The following NTN4 variants were observed in gnomAD, a reference collection of about 807,000 sequenced individuals.
NTN4 encodes netrin 4.
A neutral mutation model predicts 73.6 loss-of-function variants in NTN4; 32 were observed. The ratio of observed to expected loss-of-function variants is 0.44; its 90% CI spans 0.33 to 0.58. The LOEUF is 0.58. Ranked by LOEUF, NTN4 falls within the 20% of genes least tolerant of loss-of-function variation. The probability of loss-of-function intolerance (pLI) is 0.04; values close to 1 mark genes in which losing one functional copy is unlikely to be tolerated. For missense variants in NTN4, 654 were observed against 798.3 expected (o/e 0.82, Z 2.18); for synonymous variants, 258 against 287.5 (o/e 0.90, Z 1.04).
At chr12:95,718,777 T>C (rs1167900192) in intron 3 of NTN4, among the ~76,000 whole-genome samples, 3 of 152,196 alleles carry the variant, frequency 2.0e-5, no homozygotes, top group African/African-American at 7.2e-5. Context: ...ATATTGACTA[T>C]ACTTAAATGA....
At chr12:95,729,632 AGTGT>A (rs758891542) in intron 3 of NTN4, among the ~76,000 whole-genome samples, 7,716 of 123,956 alleles carry the variant, frequency 0.062, 393 homozygotes, top group African/African-American at 0.14. Flanking sequence ...AGAGAGAGAG[AGTGT>A]GTGTGTGTGT....
intron 4 of NTN4, 22 bp downstream of exon 4, chr12:95,713,190 G>A (rs1014599812): frequency 1.9e-6 from 3 of 1,603,378 alleles, no homozygotes; most frequent in Non-Finnish European, 2.6e-6. Context: ...AAGCTTTTGA[G>A]TATCGTGGGC....
intron 5 of NTN4, among the ~76,000 whole-genome samples, chr12:95,697,000 T>C (rs1247704062): frequency 6.6e-6 from 1 of 151,280 alleles, no homozygotes; most frequent in African/African-American, 2.4e-5. Flanking sequence ...CAAGAGCCCC[T>C]CTCTACAAAA....
At position 95,700,080 on chromosome 12, in the gene NTN4, A is replaced by ATTTTTTTTTTTTTT. The variant is rs56063223; in HGVS notation, c.1180+10347_1180+10360dup. ...AACAGTGTATTCTTCTAAAGTGAGG[A>ATTTTTTTTTTTTTT]TTTTTTTTTTTTTTTTTTTTTTTTT... is the stretch of plus-strand genomic sequence containing the variant. On this transcript the variant is annotated intron_variant, in intron 5 of 9. Coordinates refer to ENST00000343702, the MANE Select transcript of NTN4 (RefSeq NM_021229.4). 1.9e-4 allele frequency among the ~76,000 whole-genome samples: 8 copies of ATTTTTTTTTTTTTT among 41,820 alleles called. 1 individual carries two copies. The highest frequency in any genetic ancestry group is 3.0e-4 in the Non-Finnish European group (7 of 23,308). 27.4% of individuals were successfully genotyped at this position (41,820 alleles called of 152,430 possible).
At chr12:95,764,676 C>CAA (rs11326708) in intron 2 of NTN4, among the ~76,000 whole-genome samples, 1 of 98,872 alleles carries the variant, frequency 1.0e-5, no homozygotes, top group Admixed American at 1.1e-4. Context: ...CCGCCCCGAC[C>CAA]AAAAAAAAAA....
chr12:95,753,196 C>CTA (rs2078923203), intron 2 of NTN4, among the ~76,000 whole-genome samples: 1 of 152,052 alleles, frequency 6.6e-6, no homozygotes, highest in South Asian at 2.1e-4. Context: ...GCAGGCTATG[C>CTA]TATAGTACAA....
At chr12:95,731,888 T>A (rs186721506) in intron 3 of NTN4, among the ~76,000 whole-genome samples, 3 of 152,342 alleles carry the variant, frequency 2.0e-5, no homozygotes, top group African/African-American at 7.2e-5. Context: ...GTTTCGCATC[T>A]GTGAAAGAAA....
chr12:95,732,798 T>C (rs936599049), intron 3 of NTN4, among the ~76,000 whole-genome samples: 5 of 152,196 alleles, frequency 3.3e-5, no homozygotes, highest in Non-Finnish European at 7.3e-5. Context: ...TTTAAATCTG[T>C]CCTTAATTTA....
At chr12:95,705,543 T>C (rs1047257343) in intron 5 of NTN4, among the ~76,000 whole-genome samples, 3 of 152,244 alleles carry the variant, frequency 2.0e-5, no homozygotes, top group African/African-American at 7.2e-5. Flanking sequence ...TTCTTCCTTC[T>C]GTTCCTTTTT....
chr12:95,665,913 T>A lies in NTN4; in HGVS notation c.1647A>T (p.Lys549Asn). 3 of 1,613,708 alleles carry A rather than the reference T, an allele frequency of 1.9e-6. No homozygotes were observed. The Admixed American group carries it at 5.0e-5, about 27-fold the overall frequency. Residue 549 changes from lysine (K) to asparagine (N), a missense_variant, in exon 9 of 10, where the codon AAA becomes AAT. Coordinates refer to ENST00000343702, the MANE Select transcript of NTN4 (RefSeq NM_021229.4). Reference sequence around the variant, plus strand: ...TCAGTTTGGTAGATTTTAAGACCTTTTTAATCTTCACATTGACCTCAACAT... The same window carrying A: ...TCAGTTTGGTAGATTTTAAGACCTTATTAATCTTCACATTGACCTCAACAT... ...GTHVEVNVKI[K>N]KVLKSTKLKI... is the part of the protein sequence containing the mutation.
Position 95,732,446 on chromosome 12 carries a change from T to C in NTN4, c.864+5420A>G, listed in dbSNP as rs531334137. The stretch of plus-strand genomic sequence containing the variant: ...AGACAAGAGTTTCGCTCTTGTTACC[T>C]AGGCTGGAGTGCAATGGCGCAATCT... On this transcript the variant is annotated intron_variant, in intron 3 of 9. Transcript: ENST00000343702. Among the ~76,000 whole-genome samples the C allele has an allele frequency of 3.2e-4, 44 of 136,382 alleles. No homozygotes were observed. In the South Asian group the frequency reaches 0.011, roughly 35 times the overall value. 89.5% of individuals were successfully genotyped at this position (136,382 alleles called of 152,430 possible).
chr12:95,696,186 C>T (rs1157767320), intron 5 of NTN4, among the ~76,000 whole-genome samples: 1 of 152,120 alleles, frequency 6.6e-6, no homozygotes, highest in African/African-American at 2.4e-5. Context: ...TGATGCGGTT[C>T]ATCCTGCCAT....
intron 2 of NTN4, among the ~76,000 whole-genome samples, chr12:95,784,257 CA>C (rs889551567): frequency 6.6e-6 from 1 of 152,096 alleles, no homozygotes; most frequent in African/African-American, 2.4e-5. Context: ...TCTAACATGA[CA>C]GGGGAGAGGA....
intron 2 of NTN4, among the ~76,000 whole-genome samples, chr12:95,760,137 T>C (rs552004936): frequency 6.6e-6 from 1 of 152,216 alleles, no homozygotes; most frequent in East Asian, 1.9e-4. Flanking sequence ...TTTTGAAGAT[T>C]GCTGTAAATT....
At chr12:95,710,729 G>T (rs1056972095) in intron 4 of NTN4, 100 bp from the exon 5 acceptor site, 12 of 1,135,502 alleles carry the variant, frequency 1.1e-5, no homozygotes, top group Non-Finnish European at 1.4e-5. Flanking sequence ...TTGGCCAGGC[G>T]TGGTAGCTCA....
At chr12:95,770,735 A>G (rs949797867) in intron 2 of NTN4, among the ~76,000 whole-genome samples, 1 of 152,256 alleles carries the variant, frequency 6.6e-6, no homozygotes, top group African/African-American at 2.4e-5. Flanking sequence ...AGCAGCCGGA[A>G]GACAGTGTCA....
intron 7 of NTN4, chr12:95,672,146 C>T (rs2078236442): frequency 2.3e-6 from 1 of 431,310 alleles, no homozygotes; most frequent in Non-Finnish European, 4.3e-6. Context: ...CGTAGTAAGA[C>T]ATTGTCTCTA....
At chr12:95,770,774 A>G (rs2079051521) in intron 2 of NTN4, among the ~76,000 whole-genome samples, 1 of 150,884 alleles carries the variant, frequency 6.6e-6, no homozygotes, top group South Asian at 2.1e-4. Flanking sequence ...TCATGTAGAA[A>G]GCACGTGAAT....
intron 3 of NTN4, among the ~76,000 whole-genome samples, chr12:95,713,765 A>G (rs1482292228): frequency 2.6e-5 from 4 of 152,202 alleles, no homozygotes; most frequent in African/African-American, 4.8e-5. Flanking sequence ...CAGTACTTAA[A>G]AAAATTATAT....
Sources: allele counts gnomAD v4.1 joint callset (sites outside exome capture counted in the v4.1 genomes callset), GRCh38; gene constraint gnomAD v4.1.1; transcripts MANE v1.5; gene names NCBI Gene and HGNC (gene_info 2026-07-23, HGNC 2026-07-21).